MAST1: variants seen among roughly 807,000 people sequenced by gnomAD.
The protein encoded by MAST1 is microtubule associated serine/threonine kinase 1.
Under a neutral mutation model 124.6 loss-of-function variants are expected in MAST1, and 40 were observed. That is an observed-to-expected ratio of 0.32 (90% CI 0.25 to 0.42). The LOEUF is 0.42. MAST1 is among the 10% of genes least tolerant of loss of function. MAST1 has a pLI of 1.00. For synonymous variants in MAST1, 938 were observed against 939.4 expected (o/e 1.00, Z 0.03); for missense variants, 1,558 against 2,181.9 (o/e 0.71, Z 5.70).
rs1234503047 is a variant in MAST1, at chr19:12,867,610, T to G, written c.2276T>G (p.Leu759Arg). 6.2e-7 allele frequency: 1 copy of G among 1,611,256 alleles called. No homozygotes were observed. The highest frequency in any genetic ancestry group is 8.5e-7 in the Non-Finnish European group (1 of 1,178,840). Reference protein sequence around the residue: ...VAGKREGLGGLTLREKTWRGG... With the variant: ...VAGKREGLGGRTLREKTWRGG... ...GGCAAGCGGGAGGGGCTGGGCGGCC[T>G]GACCCTGCGTGAGAAGACCTGGAGA... The change falls in exon 19 of 26, where the codon CTG (leucine) becomes CGG (arginine). Residue 759 changes from leucine (L) to arginine (R), a missense_variant. Coordinates refer to ENST00000251472, the MANE Select transcript of MAST1 (RefSeq NM_014975.3).
Position 12,874,212 on chromosome 19 carries a change from G to T in MAST1, c.4055G>T (p.Arg1352Met). ...CCGTTGCTGCCCGAGGGTGCCTCCA[G>T]GCCACCAGTGTCGAGCAAGGAGAAG... Reference protein sequence around the residue: ...ADPLLPEGASRPPVSSKEKES... With the variant: ...ADPLLPEGASMPPVSSKEKES... Residue 1352 changes from arginine (R) to methionine (M), a missense_variant, in exon 26 of 26, where the codon AGG becomes ATG. Arg to Met is a moderately conservative substitution (Grantham distance 91). Transcript: ENST00000251472. This position sits in a 1 kb window ranked among gnomAD's most constrained non-coding sequence, Gnocchi z 6.6. The T allele has an allele frequency of 6.5e-7, 1 of 1,545,718 alleles. No individual in the cohort carries two copies.
At chr19:12,855,760 A>G (rs574255255) in intron 10 of MAST1, among the ~76,000 whole-genome samples, 1 of 152,266 alleles carries the variant, frequency 6.6e-6, no homozygotes, top group South Asian at 2.1e-4. Context: ...CTAAAACTCT[A>G]AAAAAAGGTA....
Position 12,867,458 on chromosome 19 carries a change from C to G in MAST1, c.2140-16C>G. The G allele has an allele frequency of 3.1e-6, 5 of 1,612,110 alleles. No homozygotes were observed. Among genetic ancestry groups the G allele is most frequent in the Non-Finnish European group, 4.2e-6 (5 of 1,179,682 alleles). ...GTGGAACCCGGGCTGGACTTGCCTC[C>G]CACCACCACCTACAGGTGTATAGCA... On this transcript the variant is annotated splice_polypyrimidine_tract_variant and intron_variant, in intron 18 of 25. Transcript: ENST00000251472.
chr19:12,870,590 A>C (rs1599591977), intron 22 of MAST1, among the ~76,000 whole-genome samples: 1 of 128,734 alleles, frequency 7.8e-6, no homozygotes, highest in Admixed American at 9.0e-5. Context: ...TGAACCTGGG[A>C]GGCGGGTGTT....
At position 12,868,791 on chromosome 19, in the gene MAST1, T is replaced by G. The variant is rs770910251; in HGVS notation, c.2715T>G (p.Thr905=). The change falls in exon 21 of 26, where the codon ACT becomes ACG. Residue 905 remains threonine (T), a synonymous_variant. Coordinates refer to ENST00000251472, the MANE Select transcript of MAST1 (RefSeq NM_014975.3). ...CAGTAGAGAAGAGGCCTTCTCGAAC[T>G]GGGGGCAAAGTCATCAAATCAGCCT... The part of the protein sequence containing the change: ...DVAVEKRPSR[T]GGKVIKSASA... The G allele has an allele frequency of 1.7e-5, 28 of 1,608,230 alleles. No individual in the cohort carries two copies. Among genetic ancestry groups the G allele is most frequent in the Non-Finnish European group, 2.2e-5 (26 of 1,176,544 alleles).
intron 21 of MAST1, 38 bp from the exon 22 acceptor site, chr19:12,869,028 C>T (rs778945972): frequency 1.9e-6 from 3 of 1,601,192 alleles, no homozygotes; most frequent in Non-Finnish European, 1.7e-6. Flanking sequence ...TGTCTATCTT[C>T]TTGGTTCTGA....
chr19:12,840,984 C>A lies in MAST1; in HGVS notation c.173-7C>A, dbSNP rs1202711529. ...CTGACAGGATTTGCCCCCTCTTTCT[C>A]TCATAGGCAGCAGTCCCCTGGACAG... On this transcript the variant is annotated splice_region_variant and splice_polypyrimidine_tract_variant and intron_variant, in intron 2 of 25. Coordinates refer to ENST00000251472, the MANE Select transcript of MAST1 (RefSeq NM_014975.3). 5 of 1,166,434 alleles carry A rather than the reference C, an allele frequency of 4.3e-6. No homozygotes were observed. The highest frequency in any genetic ancestry group is 6.5e-6 in the Non-Finnish European group (5 of 770,332). 72.3% of individuals were successfully genotyped at this position (1,166,434 alleles called of 1,614,324 possible).
Position 12,843,451 on chromosome 19 carries a change from A to C in MAST1, c.249-78A>C. 1 of 1,129,742 alleles carries C rather than the reference A, an allele frequency of 8.9e-7. No individual in the cohort carries two copies. The allele number at this position is 1,129,742 out of a possible 1,614,324, so 70.0% of individuals were successfully genotyped here. A position where few individuals can be genotyped will look rare whatever the true frequency, so the allele number is the denominator to read the frequency against. On this transcript the variant is annotated intron_variant, in intron 3 of 25. Transcript: ENST00000251472. The surrounding 1 kb of genome is among the most constrained non-coding windows in gnomAD (Gnocchi z 4.9). ...CCCAACCCCCACCCTGGCCCTGGCC[A>C]GTGGCTTCACCCACACCCTGAGGAG... is the stretch of plus-strand genomic sequence containing the variant.
intron 22 of MAST1, among the ~76,000 whole-genome samples, chr19:12,870,352 G>T (rs565629897): frequency 6.7e-6 from 1 of 149,620 alleles, no homozygotes; most frequent in East Asian, 2.0e-4. Context: ...TTAGCCAGGC[G>T]TGGTGGCAGA....
chr19:12,849,474 C>A (rs1969935265), intron 7 of MAST1, among the ~76,000 whole-genome samples: 1 of 151,882 alleles, frequency 6.6e-6, no homozygotes, highest in African/African-American at 2.4e-5. Context: ...CCAGCCTGGC[C>A]AATAAGGTGA....
At position 12,856,247 on chromosome 19, in the gene MAST1, CT is replaced by C. The variant is rs912412766; in HGVS notation, c.1078-2109del. Among the ~76,000 whole-genome samples the C allele has an allele frequency of 2.0e-5, 3 of 151,360 alleles. No individual in the cohort carries two copies. The East Asian group carries it at 5.8e-4, about 29-fold the overall frequency. On this transcript the variant is annotated intron_variant, in intron 10 of 25. Coordinates refer to ENST00000251472, the MANE Select transcript of MAST1 (RefSeq NM_014975.3). ...ACAGTGAAAAAAATCTTACTCCTAC[CT>C]TTTTTCCCCATTGCCCTATAGCCCT...
rs1969789375 is a variant in MAST1 at position 12,838,672 on chromosome 19, C to T, written c.83+17C>T. 1.2e-6 allele frequency: 2 copies of T among 1,606,506 alleles called. No individual in the cohort carries two copies. The highest frequency in any genetic ancestry group is 1.7e-6 in the Non-Finnish European group (2 of 1,176,660). ...CACCAAGAGGTAGACCCCCGATCCC[C>T]TAGACATTGTCCCGGCCCTCCCCGC... On this transcript the variant is annotated intron_variant, in intron 1 of 25. Coordinates refer to ENST00000251472, the MANE Select transcript of MAST1 (RefSeq NM_014975.3). The surrounding 1 kb of genome is among the most constrained non-coding windows in gnomAD (Gnocchi z 4.3).
chr19:12,845,631 G>A (rs932034465), intron 4 of MAST1, among the ~76,000 whole-genome samples: 10 of 151,090 alleles, frequency 6.6e-5, no homozygotes, highest in Non-Finnish European at 7.4e-5. Flanking sequence ...AGGCATAGTG[G>A]CTCATGCCTG....
chr19:12,859,357 G>A (rs1352135697), intron 12 of MAST1, among the ~76,000 whole-genome samples: 2 of 152,160 alleles, frequency 1.3e-5, no homozygotes, highest in African/African-American at 4.8e-5. Flanking sequence ...TGGGATTACA[G>A]GCATGAGCCA....
rs1568414424 is a variant in MAST1 at position 12,868,102 on chromosome 19, G to GTTTTTTTTTTTTTTTT, written c.2566+125_2566+126insTTTTTTTTTTTTTTTT. On this transcript the variant is annotated intron_variant, in intron 20 of 25. Transcript: ENST00000251472. The stretch of plus-strand genomic sequence containing the variant: ...AGGTCCTATTCACATTGCAATTTGG[G>GTTTTTTTTTTTTTTTT]ATTTTTTTTTTTTTTTTTTTTTTTG... The GTTTTTTTTTTTTTTTT allele has an allele frequency of 1.6e-4, 87 of 538,864 alleles. No homozygotes were observed. The East Asian group carries it at 2.2e-3, about 14-fold the overall frequency. 33.4% of individuals were successfully genotyped at this position (538,864 alleles called of 1,614,324 possible).
chr19:12,851,881 C>T (rs917730552), intron 7 of MAST1, 53 bp from the exon 8 acceptor site: 49 of 1,401,556 alleles, frequency 3.5e-5, no homozygotes, highest in Non-Finnish European at 4.2e-5. Context: ...AGAGAGGGGC[C>T]GGGCTGAGGC....
Position 12,869,051 on chromosome 19 carries a change from G to T in MAST1, c.2774-15G>T. The T allele has an allele frequency of 6.2e-7, 1 of 1,607,168 alleles. No individual in the cohort carries two copies. The highest frequency in any genetic ancestry group is 8.5e-7 in the Non-Finnish European group (1 of 1,173,684). Reference sequence around the variant, plus strand: ...TTCTTGGTTCTGATTTCTGACCATGGTTGTGTGTCTGTAGTGGACCCACAT... The same window carrying T: ...TTCTTGGTTCTGATTTCTGACCATGTTTGTGTGTCTGTAGTGGACCCACAT... On this transcript the variant is annotated splice_polypyrimidine_tract_variant and intron_variant, in intron 21 of 25. Transcript: ENST00000251472.
rs572595209 is a variant in MAST1 at position 12,865,850 on chromosome 19, C to T, written c.1906+32C>T. On this transcript the variant is annotated intron_variant, in intron 16 of 25. Transcript: ENST00000251472. This position sits in a 1 kb window ranked among gnomAD's most constrained non-coding sequence, Gnocchi z 7.1. The stretch of plus-strand genomic sequence containing the variant: ...CCGCCATGCAGAGGAGCTGAGGGCC[C>T]ACTGATAGAGAGCAGGCCTCCAAAA... The T allele has an allele frequency of 6.2e-7, 1 of 1,603,500 alleles. No individual in the cohort carries two copies. The highest frequency in any genetic ancestry group is 8.5e-7 in the Non-Finnish European group (1 of 1,172,688).
At chr19:12,870,682 TG>T in intron 22 of MAST1, 141 bp from the exon 23 acceptor site, 1 of 672,736 alleles carries the variant, frequency 1.5e-6, no homozygotes, top group Non-Finnish European at 2.1e-6. Flanking sequence ...AAAAAAAATG[TG>T]GGGGGAGGAA....
Sources: gnomAD v4.1 joint callset for allele counts (sites outside exome capture counted in the v4.1 genomes callset) on GRCh38, gnomAD v4.1.1 for gene constraint, Gnocchi (gnomAD v3.1) non-coding constraint, MANE v1.5 for transcripts, NCBI Gene and HGNC (gene_info 2026-07-23, HGNC 2026-07-21) for gene names.